Variants in TKFC observed in about 807,000 individuals in gnomAD.
TKFC encodes triokinase and FMN cyclase.
In TKFC, 46 loss-of-function variants were observed where a neutral mutation model predicts 61.0. The observed-to-expected ratio is 0.75, with a 90% CI of 0.60 to 0.96. TKFC has a LOEUF of 0.96. Among genes scored for constraint, TKFC ranks in the 50% least tolerant of loss-of-function variants. The pLI, the probability that TKFC is intolerant of heterozygous loss-of-function variation, is 0.00. For synonymous variants in TKFC, 314 were observed against 330.1 expected, an observed-to-expected ratio of 0.95 and a Z score of 0.53; for missense variants, 715 against 777.5, an observed-to-expected ratio of 0.92 and a Z score of 0.96.
Position 61,337,858 on chromosome 11 carries a change from C to T in TKFC, c.4-83C>T, listed in dbSNP as rs112905263. ...TCCTAGGTGGATGCGGGAGAGGGGTCTACACCACAGCAGTGTGGCTGCGCA... is the reference window on the plus strand; with the variant it reads ...TCCTAGGTGGATGCGGGAGAGGGGTTTACACCACAGCAGTGTGGCTGCGCA... On this transcript the variant is annotated intron_variant, in intron 2 of 17. Transcript: ENST00000394900. The T allele has an allele frequency of 9.4e-6, 13 of 1,380,418 alleles. 1 individual carries two copies. The African/African-American group carries it at 1.8e-4, about 19-fold the overall frequency. 85.5% of individuals were successfully genotyped at this position (1,380,418 alleles called of 1,614,324 possible).
At position 61,342,604 on chromosome 11, in the gene TKFC, A is replaced by G; in HGVS notation, c.721A>G (p.Met241Val). ...MATADEIVKL[M>V]LDHMTNTTNA... ...AACCGCCGATGAGATTGTGAAACTCATGCTCGACCACATGACAAACACCAC... is the reference window on the plus strand; with the variant it reads ...AACCGCCGATGAGATTGTGAAACTCGTGCTCGACCACATGACAAACACCAC... The change falls in exon 9 of 18, where the codon ATG (methionine) becomes GTG (valine). Residue 241 changes from methionine to valine, a missense_variant. By Grantham distance (21) the Met-to-Val change is conservative. Coordinates refer to ENST00000394900, the MANE Select transcript of TKFC (RefSeq NM_015533.4). 6 of 1,614,064 alleles carry G rather than the reference A, an allele frequency of 3.7e-6. No individual in the cohort carries two copies. The highest frequency in any genetic ancestry group is 4.2e-6 in the Non-Finnish European group (5 of 1,180,030).
intron 3 of TKFC, among the ~76,000 whole-genome samples, chr11:61,338,700 G>A (rs984956919): frequency 2.0e-5 from 3 of 152,184 alleles, no homozygotes; most frequent in African/African-American, 7.2e-5. Flanking sequence ...TACCAGACAG[G>A]CAAGGTCCCT....
At position 61,339,793 on chromosome 11, in the gene TKFC, G is replaced by T. The variant is rs374101155; in HGVS notation, c.486+358G>T. Among the ~76,000 whole-genome samples, 33 of 152,218 alleles carry T rather than the reference G, an allele frequency of 2.2e-4. 1 individual carries two copies. The highest frequency in any genetic ancestry group is 3.4e-3 in the Middle Eastern group (1 of 294). On this transcript the variant is annotated intron_variant, in intron 5 of 17. Coordinates refer to ENST00000394900, the MANE Select transcript of TKFC (RefSeq NM_015533.4). ...AGCCACCTCCTCACTGGGCTCCCCT[G>T]CCTGCTTCCTGCCTTCTGGCCTTGC...
At position 61,347,345 on chromosome 11, in the gene TKFC, C is replaced by G. The variant is rs966697178; in HGVS notation, c.*842C>G. On this transcript the variant is annotated 3_prime_UTR_variant, in exon 18 of 18. Coordinates refer to ENST00000394900, the MANE Select transcript of TKFC (RefSeq NM_015533.4). ...TCCCTTACACTCAGGAGTTCAAGAC[C>G]AGTCTGGGCAACATGGTAAAACCCT... 1.1e-6 allele frequency: 1 copy of G among 917,126 alleles called. No homozygotes were observed. The highest frequency in any genetic ancestry group is 1.3e-6 in the Non-Finnish European group (1 of 767,812). The allele number at this position is 917,126 out of a possible 1,614,324, so 56.8% of individuals were successfully genotyped here. A position where few individuals can be genotyped will look rare whatever the true frequency, so the allele number is the denominator to read the frequency against.
downstream of TKFC, chr11:61,351,928 A>G (rs1857430607): frequency 6.6e-6 from 1 of 152,104 alleles, no homozygotes; most frequent in Admixed American, 6.6e-5. Context: ...CTGGGGGGAT[A>G]AAAGGAGAGA....
chr11:61,351,148 C>G (rs1857388087), downstream of TKFC: 12 of 1,606,068 alleles, frequency 7.5e-6, no homozygotes, highest in Non-Finnish European at 1.0e-5. Flanking sequence ...GGTGTTTTTC[C>G]TGAAGATGAC....
At chr11:61,344,861 G>A (rs1857041102) in intron 13 of TKFC, among the ~76,000 whole-genome samples, 1 of 152,162 alleles carries the variant, frequency 6.6e-6, no homozygotes, top group African/African-American at 2.4e-5. Context: ...TGCCTGCCGT[G>A]GGGCAGGCAC....
At chr11:61,343,578 A>G in intron 11 of TKFC, 120 bp downstream of exon 11, 1 of 992,812 alleles carries the variant, frequency 1.0e-6, no homozygotes, top group Non-Finnish European at 1.5e-6. Flanking sequence ...GCCTGTGAAG[A>G]AGGCTCTTCC....
rs1856758412 is a variant in TKFC, at chr11:61,339,330, T to TG, written c.382dup (p.Glu128GlyfsTer42). On this transcript the variant is annotated frameshift_variant, in exon 5 of 18. Transcript: ENST00000394900. ...GCCTGGCCCGGGAGCAGGCCCGGGC[T>TG]GAAGGCATCCCGGTGGAGATGGTGG... 3 of 1,613,874 alleles carry TG rather than the reference T, an allele frequency of 1.9e-6. No individual in the cohort carries two copies. The East Asian group carries it at 6.7e-5, about 36-fold the overall frequency.
At chr11:61,351,231 G>A (rs1431183860), downstream of TKFC, 17 of 1,444,158 alleles carry the variant, frequency 1.2e-5, no homozygotes, top group Non-Finnish European at 1.6e-5. Context: ...CACTAACAGA[G>A]GGTGAGAAAA....
At chr11:61,343,099 G>A (rs1211511419) in intron 10 of TKFC, 1 of 609,584 alleles carries the variant, frequency 1.6e-6, no homozygotes, top group Non-Finnish European at 2.9e-6. Context: ...ACTCAACACA[G>A]CGCCCAGCAC....
chr11:61,345,260 C>G lies in TKFC; in HGVS notation c.1241C>G (p.Ala414Gly). The change falls in exon 14 of 18, where the codon GCA becomes GGA. Residue 414 changes from alanine (A) to glycine (G), a missense_variant and splice_region_variant. Ala to Gly is a moderately conservative substitution (Grantham distance 60). Coordinates refer to ENST00000394900, the MANE Select transcript of TKFC (RefSeq NM_015533.4). ...CGTTHSRAAR[A>G]IQEWLKEGPP... ...CCTCCCCATCTCTCTCTGCCTGCAG[C>G]AATCCAGGAGTGGCTGAAGGAGGGC... The G allele has an allele frequency of 6.5e-7, 1 of 1,544,922 alleles. No individual in the cohort carries two copies. The highest frequency in any genetic ancestry group is 8.7e-7 in the Non-Finnish European group (1 of 1,143,656).
chr11:61,346,097 T>C lies in TKFC; in HGVS notation c.1575+151T>C. 3 of 1,131,202 alleles carry C rather than the reference T, an allele frequency of 2.7e-6. No individual in the cohort carries two copies. Among genetic ancestry groups the C allele is most frequent in the Non-Finnish European group, 3.7e-6 (3 of 813,148 alleles). The allele number at this position is 1,131,202 out of a possible 1,614,324, so 70.1% of individuals were successfully genotyped here. A position where few individuals can be genotyped will look rare whatever the true frequency, so the allele number is the denominator to read the frequency against. Reference sequence around the variant, plus strand: ...ATGAGCACCTATCTCAGAAGGTGGTTATGTGGCTAAGGAAATATGTAGAGC... The same window carrying C: ...ATGAGCACCTATCTCAGAAGGTGGTCATGTGGCTAAGGAAATATGTAGAGC... On this transcript the variant is annotated intron_variant, in intron 17 of 17. Coordinates refer to ENST00000394900, the MANE Select transcript of TKFC (RefSeq NM_015533.4). The surrounding 1 kb of genome is among the most constrained non-coding windows in gnomAD (Gnocchi z 4.1).
At chr11:61,349,626 C>T (rs1213759554), downstream of TKFC, 1 of 702,826 alleles carries the variant, frequency 1.4e-6, no homozygotes, top group African/African-American at 1.7e-5. Flanking sequence ...GGGATCCAGG[C>T]CTCAGCTGTA....
At chr11:61,352,818 C>G, downstream of TKFC, 1 of 1,452,122 alleles carries the variant, frequency 6.9e-7, no homozygotes, top group African/African-American at 1.4e-5. Context: ...TGCTGACTTA[C>G]CAATTTCAAC....
chr11:61,345,789 C>G, intron 16 of TKFC, 44 bp downstream of exon 16: 1 of 1,614,190 alleles, frequency 6.2e-7, no homozygotes, highest in Non-Finnish European at 8.5e-7. Flanking sequence ...CCTTTTGGCC[C>G]TGTAAGTCTA....
Position 61,345,556 on chromosome 11 carries a change from C to T in TKFC, c.1442C>T (p.Ala481Val). ...GCTGCCATGGATGCCGGCCTGGAAG[C>T]CATGCAGAAGTGAGCCAGAGCCCTG... ...WSAAMDAGLEAMQKYGKAAPG... is the reference protein window; with the variant it reads ...WSAAMDAGLEVMQKYGKAAPG... Residue 481 changes from alanine to valine, a missense_variant, in exon 15 of 18, where the codon GCC becomes GTC. By Grantham distance (64) the Ala-to-Val change is moderately conservative (BLOSUM62 0). Coordinates refer to ENST00000394900, the MANE Select transcript of TKFC (RefSeq NM_015533.4). 6.2e-7 allele frequency: 1 copy of T among 1,612,982 alleles called. No homozygotes were observed. Among genetic ancestry groups the T allele is most frequent in the Non-Finnish European group, 8.5e-7 (1 of 1,180,028 alleles).
In TKFC at chr11:61,344,183, ACT is replaced by A; in HGVS notation, c.1154_1155del (p.Leu385ProfsTer16). 1 of 1,612,076 alleles carries A rather than the reference ACT, an allele frequency of 6.2e-7. No homozygotes were observed. Among genetic ancestry groups the A allele is most frequent in the Non-Finnish European group, 8.5e-7 (1 of 1,179,912 alleles). On this transcript the variant is annotated frameshift_variant, in exon 13 of 18. Transcript: ENST00000394900. LOFTEE classifies it high-confidence loss of function. ...GCTGGTGCTGGAACGGGTGTGCAGC[ACT>A]CTCCTGGGCCTGGAGGAACACCTGA... ...MALVLERVCS[T>X]LLGLEEHLNA... is the part of the protein sequence containing the mutation.
chr11:61,349,668 C>T (rs1342318872), downstream of TKFC: 2 of 702,658 alleles, frequency 2.8e-6, no homozygotes, highest in South Asian at 3.0e-5. Flanking sequence ...GCCGCACGGT[C>T]ACAATACATG....
Sources: allele counts gnomAD v4.1 joint callset (sites outside exome capture counted in the v4.1 genomes callset), GRCh38; gene constraint gnomAD v4.1.1; non-coding constraint Gnocchi (gnomAD v3.1); transcripts MANE v1.5; gene names NCBI Gene and HGNC (gene_info 2026-07-23, HGNC 2026-07-21).